Variants in MAP3K12 observed in about 807,000 individuals in gnomAD.
MAP3K12 encodes the protein mitogen-activated protein kinase kinase kinase 12.
Under a neutral mutation model 87.5 loss-of-function variants are expected in MAP3K12, and 14 were observed. That is an observed-to-expected ratio of 0.16 (90% CI 0.11 to 0.25). The LOEUF (loss-of-function observed/expected upper bound fraction) is 0.25, where lower values mean the gene tolerates loss of function less well. Ranked by LOEUF, MAP3K12 falls within the 10% of genes least tolerant of loss-of-function variation. MAP3K12 has a pLI of 1.00. For missense variants in MAP3K12, 802 were observed against 1,140.4 expected, an observed-to-expected ratio of 0.70 and a Z score of 4.27; for synonymous variants, 469 against 452.5, an observed-to-expected ratio of 1.04 and a Z score of -0.46.
At chr12:53,495,081 T>C (rs1390144621) in intron 1 of MAP3K12, among the ~76,000 whole-genome samples, 1 of 151,926 alleles carries the variant, frequency 6.6e-6, no homozygotes, top group Admixed American at 6.6e-5. Context: ...GGCTCACGTC[T>C]GTAGTCCCAG....
rs535609851 is a variant in MAP3K12 at position 53,487,663 on chromosome 12, G to A, written c.-37-235C>T. The A allele has an allele frequency of 1.6e-5, 7 of 449,070 alleles. No homozygotes were observed. The East Asian group carries it at 2.2e-4, about 14-fold the overall frequency. 27.8% of individuals were successfully genotyped at this position (449,070 alleles called of 1,614,324 possible). A position where few individuals can be genotyped will look rare whatever the true frequency, so the allele number is the denominator to read the frequency against. On this transcript the variant is annotated intron_variant, in intron 1 of 13. Transcript: ENST00000547488. The stretch of plus-strand genomic sequence containing the variant: ...TAGTAAGGCAAGTAATAGGTAGACA[G>A]GTATCGTACCTGAGTATCATTCTCA...
At chr12:53,496,150 T>G (rs1224731307) in intron 1 of MAP3K12, among the ~76,000 whole-genome samples, 1 of 152,158 alleles carries the variant, frequency 6.6e-6, no homozygotes, top group Non-Finnish European at 1.5e-5. Flanking sequence ...CAGGTCTTTG[T>G]GGATCCTGGA....
Position 53,483,406 on chromosome 12 carries a change from A to G in MAP3K12, c.1556T>C (p.Met519Thr). 6 of 1,613,840 alleles carry G rather than the reference A, an allele frequency of 3.7e-6. No individual in the cohort carries two copies. The highest frequency in any genetic ancestry group is 5.1e-6 in the Non-Finnish European group (6 of 1,179,958). ...PSRGLLHGNT[M>T]EKLIKKRNVP... is the part of the protein sequence containing the mutation. ...ATTCCTCTTCTTGATAAGCTTCTCC[A>G]TTGTGTTTCCATGCAGGAGGCCCCG... is the stretch of plus-strand genomic sequence containing the variant. The change falls in exon 10 of 14, where the codon ATG becomes ACG. Residue 519 changes from methionine to threonine, a missense_variant. Met to Thr is a moderately conservative substitution (Grantham distance 81, BLOSUM62 -1). Transcript: ENST00000547488.
rs1275785478 is a variant in MAP3K12 at position 53,487,179 on chromosome 12, CGGCTCTCCACCTGGGGAGGGGCTG to C, written c.189_212del (p.Ser64_Pro71del). ...CACTGTTGGCAAAAGGCTCAGGGGG[CGGCTCTCCACCTGGGGAGGGGCTG>C]GGCCCTCCCCCACCCTGCCCACCAA... On this transcript the variant is annotated inframe_deletion, in exon 2 of 14. Transcript: ENST00000547488. The C allele has an allele frequency of 1.2e-6, 2 of 1,613,804 alleles. No individual in the cohort carries two copies. Among genetic ancestry groups the C allele is most frequent in the Non-Finnish European group, 1.7e-6 (2 of 1,179,932 alleles).
chr12:53,480,409 A>G lies in MAP3K12; in HGVS notation c.*773T>C, dbSNP rs1488179514. Reference sequence around the variant, plus strand: ...GAGGGGCAGGAGAACTTCTCCAGACACCTCAGATAAAGTCCGGAGCCCAAG... The same window carrying G: ...GAGGGGCAGGAGAACTTCTCCAGACGCCTCAGATAAAGTCCGGAGCCCAAG... On this transcript the variant is annotated 3_prime_UTR_variant, in exon 14 of 14. Transcript: ENST00000547488. 1 of 152,476 alleles carries G rather than the reference A, an allele frequency of 6.6e-6. No homozygotes were observed. Among genetic ancestry groups the G allele is most frequent in the African/African-American group, 2.4e-5 (1 of 41,430 alleles). 9.4% of individuals were successfully genotyped at this position (152,476 alleles called of 1,614,324 possible).
chr12:53,487,278 G>A lies in MAP3K12; in HGVS notation c.114C>T (p.Pro38=), dbSNP rs763391900. 1.1e-5 allele frequency: 17 copies of A among 1,613,792 alleles called. No homozygotes were observed. Among genetic ancestry groups the A allele is most frequent in the South Asian group, 2.2e-5 (2 of 91,080 alleles). ...KLDPDTSDCT[P]EKDLTPTQCV... The stretch of plus-strand genomic sequence containing the variant: ...ACTGGGTAGGCGTCAGGTCCTTCTC[G>A]GGAGTGCAGTCAGAAGTGTCTGGGT... Residue 38 remains proline (P), a synonymous_variant, in exon 2 of 14, where the codon CCC becomes CCT. Coordinates refer to ENST00000547488, the MANE Select transcript of MAP3K12 (RefSeq NM_001193511.2).
intron 1 of MAP3K12, among the ~76,000 whole-genome samples, chr12:53,490,229 GGGA>G (rs945389980): frequency 6.6e-6 from 1 of 151,988 alleles, no homozygotes. Context: ...GCTTGAATCT[GGGA>G]GGAGGAGGTT....
chr12:53,495,176 A>G (rs1943515021), intron 1 of MAP3K12, among the ~76,000 whole-genome samples: 1 of 151,824 alleles, frequency 6.6e-6, no homozygotes, highest in Non-Finnish European at 1.5e-5. Context: ...CGTCTCTACT[A>G]AAAATACAAA....
chr12:53,501,500 G>A (rs559790740), upstream of MAP3K12: 13 of 1,553,430 alleles, frequency 8.4e-6, no homozygotes, highest in East Asian at 4.9e-5. Flanking sequence ...GGCGAAAAGC[G>A]TGGGGCCGTG....
chr12:53,489,900 C>A (rs1429639965), intron 1 of MAP3K12, among the ~76,000 whole-genome samples: 2 of 152,216 alleles, frequency 1.3e-5, no homozygotes, highest in Non-Finnish European at 2.9e-5. Flanking sequence ...ACTGTTACTG[C>A]CTTAGTTCAA....
At chr12:53,491,311 G>GAA (rs1943397383) in intron 1 of MAP3K12, among the ~76,000 whole-genome samples, 3 of 90,186 alleles carry the variant, frequency 3.3e-5, no homozygotes, top group East Asian at 4.0e-4. Flanking sequence ...AAAAAGAAAA[G>GAA]AAAAGAAAAA....
chr12:53,485,709 C>T (rs1943210791), intron 4 of MAP3K12: 6 of 543,886 alleles, frequency 1.1e-5, no homozygotes, highest in African/African-American at 1.9e-5. Context: ...GCACTCGCCA[C>T]CACGCCTGAC....
At position 53,481,636 on chromosome 12, in the gene MAP3K12, C is replaced by T. The variant is rs547003526; in HGVS notation, c.2580+305G>A. Reference sequence around the variant, plus strand: ...GTTCTGGGATTCCAGGCGTGAGTCACCATGCCCAGCCAGCTTACTGGTTTT... The same window carrying T: ...GTTCTGGGATTCCAGGCGTGAGTCATCATGCCCAGCCAGCTTACTGGTTTT... On this transcript the variant is annotated intron_variant, in intron 13 of 13. Transcript: ENST00000547488. 17 of 362,778 alleles carry T rather than the reference C, an allele frequency of 4.7e-5. No homozygotes were observed. In the South Asian group the frequency reaches 5.0e-4, roughly 11 times the overall value. 22.5% of individuals were successfully genotyped at this position (362,778 alleles called of 1,614,324 possible). A position where few individuals can be genotyped will look rare whatever the true frequency, so the allele number is the denominator to read the frequency against.
At chr12:53,498,982 GTGTGTGTGTGTGTGTGTGTGT>G (rs1943610721) in intron 1 of MAP3K12, among the ~76,000 whole-genome samples, 2 of 39,896 alleles carry the variant, frequency 5.0e-5, no homozygotes, top group African/African-American at 1.6e-4. Context: ...GTGTGTGTGT[GTGTGTGTGTGTGTGTGTGTGT>G]GGAGATGGTG....
In MAP3K12 at chr12:53,479,993, T is replaced by C. The variant is rs1486545026; in HGVS notation, c.*1189A>G. The C allele has an allele frequency of 6.6e-6, 1 of 152,214 alleles. No individual in the cohort carries two copies. Among genetic ancestry groups the C allele is most frequent in the East Asian group, 1.9e-4 (1 of 5,188 alleles). The allele number at this position is 152,214 out of a possible 1,614,324, so 9.4% of individuals were successfully genotyped here. ...TTTTTGTGGCCCTCGATCCTATTTT[T>C]CCCTGACTCCATGCTTGGTTGGCCC... On this transcript the variant is annotated 3_prime_UTR_variant, in exon 14 of 14. Transcript: ENST00000547488.
rs956575976 is a variant in MAP3K12, at chr12:53,486,379, A to G, written c.629+60T>C. On this transcript the variant is annotated intron_variant, in intron 3 of 13. Coordinates refer to ENST00000547488, the MANE Select transcript of MAP3K12 (RefSeq NM_001193511.2). This position sits in a 1 kb window ranked among gnomAD's most constrained non-coding sequence, Gnocchi z 4.9. The stretch of plus-strand genomic sequence containing the variant: ...AAGGATGGGGTAGGTCCCACTGCCC[A>G]GGAGGGTACCAGGCCTTAGCATAGT... 2 of 1,591,528 alleles carry G rather than the reference A, an allele frequency of 1.3e-6. No individual in the cohort carries two copies. The highest frequency in any genetic ancestry group is 1.7e-6 in the Non-Finnish European group (2 of 1,166,472).
intron 1 of MAP3K12, chr12:53,493,119 G>A (rs1394123074): frequency 1.3e-5 from 2 of 152,642 alleles, no homozygotes; most frequent in Non-Finnish European, 2.9e-5. Flanking sequence ...GCTGGGGGAA[G>A]CGCTGGGCGC....
In MAP3K12 at chr12:53,486,306, C is replaced by A; in HGVS notation, c.630-59G>T. ...TGGCTCAGCATTCACCTGATTCATA[C>A]CTGGAACCCCCATTCCCACCCATTC... On this transcript the variant is annotated intron_variant, in intron 3 of 13. Transcript: ENST00000547488. The surrounding 1 kb of genome is among the most constrained non-coding windows in gnomAD (Gnocchi z 4.9). 6.4e-7 allele frequency: 1 copy of A among 1,553,840 alleles called. No individual in the cohort carries two copies. The highest frequency in any genetic ancestry group is 8.7e-7 in the Non-Finnish European group (1 of 1,146,678).
chr12:53,498,243 T>C (rs989570792), intron 1 of MAP3K12, among the ~76,000 whole-genome samples: 1 of 152,192 alleles, frequency 6.6e-6, no homozygotes, highest in African/African-American at 2.4e-5. Flanking sequence ...AGGGGGCACT[T>C]GAGTCCTATC....
Sources: allele counts gnomAD v4.1 joint callset (sites outside exome capture counted in the v4.1 genomes callset), GRCh38; gene constraint gnomAD v4.1.1; non-coding constraint Gnocchi (gnomAD v3.1); transcripts MANE v1.5; gene names NCBI Gene and HGNC (gene_info 2026-07-23, HGNC 2026-07-21).